LGSN: variants seen among roughly 807,000 people sequenced by gnomAD.
LGSN encodes the protein lengsin.
In LGSN, 21 loss-of-function variants were observed where a neutral mutation model predicts 19.5. The observed-to-expected ratio is 1.07, with a 90% CI of 0.76 to 1.55. The LOEUF is 1.55. LGSN is among the 40% of genes most tolerant of loss of function. LGSN has a pLI of 0.00. For synonymous variants in LGSN, 257 were observed against 215.6 expected (o/e 1.19, Z -1.68); for missense variants, 673 against 608.5 (o/e 1.11, Z -1.12).
chr6:63,459,873 G>A, the LGSN span, among the ~76,000 whole-genome samples: 2 of 152,032 alleles, frequency 1.3e-5, no homozygotes, highest in South Asian at 4.1e-4. Context: ...TCCAGCCTGG[G>A]TGACAAGAGC....
the LGSN span, among the ~76,000 whole-genome samples, chr6:63,497,323 C>G: frequency 1.3e-5 from 2 of 151,988 alleles, no homozygotes; most frequent in Admixed American, 6.6e-5. Flanking sequence ...CCAAGGCGGG[C>G]GGATCACCTG....
chr6:63,312,196 T>G (rs1405763341), intron 1 of LGSN, among the ~76,000 whole-genome samples: 2 of 152,204 alleles, frequency 1.3e-5, no homozygotes, highest in African/African-American at 4.8e-5. Context: ...TATCCATTCA[T>G]CTATTGCCAG....
chr6:63,412,504 A>G, the LGSN span, among the ~76,000 whole-genome samples: 201 of 112,994 alleles, frequency 1.8e-3, 4 homozygotes, highest in African/African-American at 8.1e-3. Context: ...GAAAGAAAGA[A>G]AGAAAGAAAG....
chr6:63,553,933 G>T, the LGSN span, among the ~76,000 whole-genome samples: 1 of 152,140 alleles, frequency 6.6e-6, no homozygotes, highest in Non-Finnish European at 1.5e-5. Context: ...AAAAATAGCA[G>T]GGCATCAAAG....
rs778677449 is a variant in LGSN at position 63,280,883 on chromosome 6, A to G, written c.668T>C (p.Ile223Thr). 2 of 1,613,926 alleles carry G rather than the reference A, an allele frequency of 1.2e-6. No homozygotes were observed. Among genetic ancestry groups the G allele is most frequent in the African/African-American group, 1.3e-5 (1 of 74,904 alleles). ...AAATGTTAAAGCAGGAAAAGATATA[A>G]TCTTTGAATTTAAAATTTCGGGCAC... is the stretch of plus-strand genomic sequence containing the variant. Reference protein sequence around the residue: ...FGVPEILNSKIISFPALTFLN... With the variant: ...FGVPEILNSKTISFPALTFLN... Residue 223 changes from isoleucine (I) to threonine (T), a missense_variant, in exon 4 of 4, where the codon ATT (isoleucine) becomes ACT (threonine). Physicochemically the swap from Ile to Thr is moderately conservative, Grantham distance 89. Transcript: ENST00000370657.
chr6:63,442,066 G>A, the LGSN span, among the ~76,000 whole-genome samples: 14 of 152,308 alleles, frequency 9.2e-5, no homozygotes, highest in Admixed American at 5.9e-4. Context: ...GAAGTGAGGC[G>A]CAGACCTTTG....
the LGSN span, among the ~76,000 whole-genome samples, chr6:63,561,577 G>T: frequency 2.6e-5 from 4 of 152,050 alleles, no homozygotes; most frequent in East Asian, 1.9e-4. Context: ...TTTTGTTTCC[G>T]CTTACAATCA....
At chr6:63,345,968 G>A in the LGSN span, among the ~76,000 whole-genome samples, 2 of 152,136 alleles carry the variant, frequency 1.3e-5, no homozygotes, top group Non-Finnish European at 2.9e-5. Flanking sequence ...TGATGCATTT[G>A]TTGAATTTAC....
the LGSN span, chr6:63,573,523 C>T: frequency 5.3e-5 from 8 of 152,178 alleles, no homozygotes; most frequent in South Asian, 2.1e-4. Flanking sequence ...CGGGCGTGCT[C>T]GGGCGCACAC....
chr6:63,534,178 A>G, the LGSN span, among the ~76,000 whole-genome samples: 1 of 152,154 alleles, frequency 6.6e-6, no homozygotes, highest in East Asian at 1.9e-4. Flanking sequence ...ACTGCCATTC[A>G]TCACAAATTG....
At chr6:63,409,931 G>T in the LGSN span, among the ~76,000 whole-genome samples, 6 of 152,130 alleles carry the variant, frequency 3.9e-5, no homozygotes, top group African/African-American at 1.2e-4. Context: ...AGCTATTCGG[G>T]AGGCTGAGGC....
At chr6:63,463,951 A>G in the LGSN span, among the ~76,000 whole-genome samples, 1 of 152,170 alleles carries the variant, frequency 6.6e-6, no homozygotes, top group Non-Finnish European at 1.5e-5. Flanking sequence ...AATTTCCAAT[A>G]AGAGTGTGCC....
chr6:63,419,054 TG>T, the LGSN span, among the ~76,000 whole-genome samples: 2 of 151,998 alleles, frequency 1.3e-5, no homozygotes, highest in Non-Finnish European at 2.9e-5. Context: ...AGGCCACCCT[TG>T]CCATGGTGTC....
At chr6:63,572,863 G>C in the LGSN span, 1 of 393,152 alleles carries the variant, frequency 2.5e-6, no homozygotes, top group South Asian at 1.3e-4. Flanking sequence ...GGGAGCGGGC[G>C]GGTTATGGCC....
the LGSN span, among the ~76,000 whole-genome samples, chr6:63,437,407 TTTTA>T: frequency 6.6e-6 from 1 of 152,084 alleles, no homozygotes. Context: ...TTCTTTCTGG[TTTTA>T]TTGTTTTTTG....
At chr6:63,498,207 C>T in the LGSN span, among the ~76,000 whole-genome samples, 2 of 151,870 alleles carry the variant, frequency 1.3e-5, no homozygotes, top group Non-Finnish European at 1.5e-5. Context: ...CGTGAGCCAC[C>T]GCATCCCACC....
the LGSN span, among the ~76,000 whole-genome samples, chr6:63,344,897 T>C: frequency 6.6e-6 from 1 of 152,290 alleles, no homozygotes; most frequent in East Asian, 1.9e-4. Context: ...AAACTTACAA[T>C]GTGATAATGT....
the LGSN span, among the ~76,000 whole-genome samples, chr6:63,493,920 C>T: frequency 6.6e-6 from 1 of 151,654 alleles, no homozygotes; most frequent in Non-Finnish European, 1.5e-5. Flanking sequence ...TCTCAGGTGC[C>T]CTTGGAACAG....
chr6:63,385,537 G>T, the LGSN span, among the ~76,000 whole-genome samples: 2 of 152,152 alleles, frequency 1.3e-5, no homozygotes, highest in African/African-American at 4.8e-5. Context: ...TTCAGCAGTT[G>T]CTCTAGACTT....
Sources: allele counts gnomAD v4.1 joint callset (sites outside exome capture counted in the v4.1 genomes callset), GRCh38; gene constraint gnomAD v4.1.1; transcripts MANE v1.5; gene names NCBI Gene and HGNC (gene_info 2026-07-23, HGNC 2026-07-21).